Variants in SLC25A21 observed in about 807,000 individuals in gnomAD.
SLC25A21 encodes solute carrier family 25 member 21.
A neutral mutation model predicts 43.8 loss-of-function variants in SLC25A21; 47 were observed. The observed-to-expected ratio is 1.07, with a 90% CI of 0.85 to 1.37. The LOEUF is 1.37. Ranked by LOEUF, SLC25A21 falls within the 40% of genes most tolerant of loss-of-function variation. The pLI, the probability that SLC25A21 is intolerant of heterozygous loss-of-function variation, is 0.00. For missense variants in SLC25A21, 352 were observed against 350.2 expected, an observed-to-expected ratio of 1.00 and a Z score of -0.04; for synonymous variants, 131 against 121.3, an observed-to-expected ratio of 1.08 and a Z score of -0.52.
chr14:36,931,323 C>A (rs1256115772), intron 1 of SLC25A21, among the ~76,000 whole-genome samples: 1 of 151,982 alleles, frequency 6.6e-6, no homozygotes, highest in East Asian at 1.9e-4. Context: ...GAGGCATTCA[C>A]TCTAACCTGA....
chr14:36,803,165 A>G (rs1042252047), intron 3 of SLC25A21, among the ~76,000 whole-genome samples: 1 of 152,192 alleles, frequency 6.6e-6, no homozygotes, highest in African/African-American at 2.4e-5. Context: ...GGAAAAAGAT[A>G]GAAGGTCTGT....
chr14:36,876,336 G>A (rs1035769039), intron 1 of SLC25A21, among the ~76,000 whole-genome samples: 1 of 152,170 alleles, frequency 6.6e-6, no homozygotes, highest in Admixed American at 6.5e-5. Flanking sequence ...GCTCTAGGTT[G>A]CAAAGTCCTA....
At chr14:36,987,529 G>A (rs1196972113) in intron 1 of SLC25A21, among the ~76,000 whole-genome samples, 1 of 152,210 alleles carries the variant, frequency 6.6e-6, no homozygotes, top group Non-Finnish European at 1.5e-5. Flanking sequence ...TTTCATAGCT[G>A]AGATCATACC....
intron 2 of SLC25A21, among the ~76,000 whole-genome samples, chr14:36,817,323 G>A (rs1006472733): frequency 2.6e-5 from 4 of 152,148 alleles, no homozygotes; most frequent in Non-Finnish European, 5.9e-5. Flanking sequence ...CAGAAGTTCA[G>A]CAAGGGTTTC....
At chr14:37,020,243 A>G (rs1960955374) in intron 1 of SLC25A21, among the ~76,000 whole-genome samples, 1 of 151,946 alleles carries the variant, frequency 6.6e-6, no homozygotes, top group African/African-American at 2.4e-5. Context: ...TATAATCCAT[A>G]TATCACTCTG....
intron 1 of SLC25A21, among the ~76,000 whole-genome samples, chr14:37,042,864 C>T (rs1300557307): frequency 6.6e-6 from 1 of 152,200 alleles, no homozygotes; most frequent in Non-Finnish European, 1.5e-5. Flanking sequence ...AACTCTGTAA[C>T]ACCAGGTTAA....
chr14:37,034,758 C>A (rs1362679290), intron 1 of SLC25A21, among the ~76,000 whole-genome samples: 1 of 152,196 alleles, frequency 6.6e-6, no homozygotes, highest in Non-Finnish European at 1.5e-5. Context: ...TTATTTCCTT[C>A]AATTTGCTAA....
intron 3 of SLC25A21, among the ~76,000 whole-genome samples, chr14:36,795,841 G>A (rs1442391809): frequency 6.6e-6 from 1 of 152,154 alleles, no homozygotes; most frequent in East Asian, 1.9e-4. Flanking sequence ...ACTCTAAGCT[G>A]TGCCTGAAAA....
chr14:37,166,688 G>A (rs748179167), intron 1 of SLC25A21, among the ~76,000 whole-genome samples: 3 of 152,200 alleles, frequency 2.0e-5, no homozygotes, highest in Non-Finnish European at 4.4e-5. Context: ...TGGGTGGACT[G>A]TAGAGTCCAT....
At chr14:36,882,058 T>C (rs1225892883) in intron 1 of SLC25A21, among the ~76,000 whole-genome samples, 1 of 152,216 alleles carries the variant, frequency 6.6e-6, no homozygotes, top group African/African-American at 2.4e-5. Flanking sequence ...CATGCACTAA[T>C]TATTTTACAT....
At position 36,739,349 on chromosome 14, in the gene SLC25A21, T is replaced by G. The variant is rs201103690; in HGVS notation, c.204-4776A>C. The stretch of plus-strand genomic sequence containing the variant: ...GGAAAAAATGAGCCCTAGGATAAAC[T>G]TTTTCCTCCCCAAGATAGACTTTTG... On this transcript the variant is annotated intron_variant, in intron 3 of 9. Transcript: ENST00000331299. Among the ~76,000 whole-genome samples, 49 of 152,268 alleles carry G rather than the reference T, an allele frequency of 3.2e-4. No individual in the cohort carries two copies. In the South Asian group the frequency reaches 8.3e-3, roughly 26 times the overall value.
chr14:36,692,794 A>G (rs1442306430), intron 7 of SLC25A21, among the ~76,000 whole-genome samples: 3 of 152,226 alleles, frequency 2.0e-5, no homozygotes, highest in African/African-American at 7.2e-5. Flanking sequence ...TTTTCATTTA[A>G]GGGAACTCAG....
intron 1 of SLC25A21, among the ~76,000 whole-genome samples, chr14:36,938,024 A>C (rs1892467384): frequency 1.3e-5 from 2 of 152,132 alleles, no homozygotes; most frequent in South Asian, 4.1e-4. Context: ...AATTTTTTTT[A>C]ATGGCAACTC....
intron 3 of SLC25A21, among the ~76,000 whole-genome samples, chr14:36,779,675 T>C (rs1886982033): frequency 1.4e-5 from 2 of 142,050 alleles, no homozygotes; most frequent in Non-Finnish European, 3.1e-5. Flanking sequence ...CACACACACA[T>C]ACCACATTTT....
rs1213170568 is a variant in SLC25A21, at chr14:36,678,284, A to AGAG, written c.*2371_*2373dup. ...AGATTTCTGACACACAAATTATGTT[A>AGAG]GAGTGACTGCTTTTTTCAGACAGCA... On this transcript the variant is annotated 3_prime_UTR_variant, in exon 10 of 10. Coordinates refer to ENST00000331299, the MANE Select transcript of SLC25A21 (RefSeq NM_030631.4). The AGAG allele has an allele frequency of 5.9e-5, 34 of 578,592 alleles. No homozygotes were observed. Among genetic ancestry groups the AGAG allele is most frequent in the Non-Finnish European group, 9.5e-5 (31 of 324,936 alleles). The allele number at this position is 578,592 out of a possible 1,614,324, so 35.8% of individuals were successfully genotyped here.
chr14:37,061,390 T>C (rs1455197091), intron 1 of SLC25A21, among the ~76,000 whole-genome samples: 3 of 152,212 alleles, frequency 2.0e-5, no homozygotes, highest in African/African-American at 7.2e-5. Flanking sequence ...CCTTGTCTCA[T>C]TTATTTTCTT....
Position 36,678,723 on chromosome 14 carries a change from CTTG to C in SLC25A21, c.*1932_*1934del, listed in dbSNP as rs1882032228. The C allele has an allele frequency of 1.7e-6, 2 of 1,197,290 alleles. No homozygotes were observed. The highest frequency in any genetic ancestry group is 1.6e-5 in the African/African-American group (1 of 63,906). 74.2% of individuals were successfully genotyped at this position (1,197,290 alleles called of 1,614,324 possible). On this transcript the variant is annotated 3_prime_UTR_variant, in exon 10 of 10. Coordinates refer to ENST00000331299, the MANE Select transcript of SLC25A21 (RefSeq NM_030631.4). ...TTTCTTTATCTAAATTAAGAAATCT[CTTG>C]TTATTGTGCTATTTATAATTTTTTT... is the stretch of plus-strand genomic sequence containing the variant.
intron 1 of SLC25A21, among the ~76,000 whole-genome samples, chr14:37,091,589 G>A (rs1019044930): frequency 6.6e-6 from 1 of 152,188 alleles, no homozygotes; most frequent in Admixed American, 6.5e-5. Context: ...GGAAGGCAGA[G>A]TATCACCTTG....
chr14:37,072,965 G>A (rs932335429), intron 1 of SLC25A21, among the ~76,000 whole-genome samples: 2 of 152,108 alleles, frequency 1.3e-5, no homozygotes, highest in African/African-American at 4.8e-5. Context: ...GTGACACATA[G>A]GTCCTGGGAC....
Sources: allele counts gnomAD v4.1 joint callset (sites outside exome capture counted in the v4.1 genomes callset), GRCh38; gene constraint gnomAD v4.1.1; transcripts MANE v1.5; gene names NCBI Gene and HGNC (gene_info 2026-07-23, HGNC 2026-07-21).